Variants in TMEM132D observed in about 807,000 individuals in gnomAD.
The protein encoded by TMEM132D is transmembrane protein 132D.
TMEM132D carries 21 observed loss-of-function variants against 62.3 expected under a neutral mutation model. That is an observed-to-expected ratio of 0.34 (90% CI 0.24 to 0.49). The LOEUF (loss-of-function observed/expected upper bound fraction) is 0.49, where lower values mean the gene tolerates loss of function less well. Ranked by LOEUF, TMEM132D falls within the 20% of genes least tolerant of loss-of-function variation. The probability of loss-of-function intolerance (pLI) is 0.99; values close to 1 mark genes in which losing one functional copy is unlikely to be tolerated. For missense variants in TMEM132D, 1,346 were observed against 1,402.8 expected (o/e 0.96, Z 0.65); for synonymous variants, 621 against 575.6 (o/e 1.08, Z -1.13).
intron 4 of TMEM132D, among the ~76,000 whole-genome samples, chr12:129,279,060 T>C (rs1161534439): frequency 1.3e-5 from 2 of 152,200 alleles, no homozygotes. Context: ...ATGCAAACTT[T>C]ATGTAAATTT....
At chr12:129,644,505 C>A (rs1221080025) in intron 2 of TMEM132D, among the ~76,000 whole-genome samples, 1 of 152,042 alleles carries the variant, frequency 6.6e-6, no homozygotes, top group East Asian at 1.9e-4. Context: ...TGAGAGAGAC[C>A]AGGCAGTGTG....
intron 1 of TMEM132D, among the ~76,000 whole-genome samples, chr12:129,768,448 TTTTTAAGGACGGTTCCTTAAAAA>T (rs1035372670): frequency 2.0e-5 from 3 of 151,734 alleles, no homozygotes; most frequent in Non-Finnish European, 2.9e-5. Flanking sequence ...GGTTTTTAAT[TTTTTAAGGACGGTTCCTTAAAAA>T]TTTAAGGAAC....
At chr12:129,334,832 C>T (rs1869224378) in intron 4 of TMEM132D, among the ~76,000 whole-genome samples, 1 of 152,014 alleles carries the variant, frequency 6.6e-6, no homozygotes, top group African/African-American at 2.4e-5. Flanking sequence ...TCAGGTGATC[C>T]ACCTTTCTTG....
In TMEM132D at chr12:129,078,660, C is replaced by A. The variant is rs1874355509; in HGVS notation, c.1989G>T (p.Val663=). ...EKTITVLDEK[V]TITDLGVQLV... is the part of the protein sequence containing the mutation. Reference sequence around the variant, plus strand: ...GCTGCACCCCGAGGTCTGTGATGGTCACCTTCTCGTCCAGCACAGTGATGG... The same window carrying A: ...GCTGCACCCCGAGGTCTGTGATGGTAACCTTCTCGTCCAGCACAGTGATGG... The change falls in exon 8 of 9, where the codon GTG becomes GTT. Residue 663 remains valine, a synonymous_variant. Coordinates refer to ENST00000422113, the MANE Select transcript of TMEM132D (RefSeq NM_133448.3). 6.2e-7 allele frequency: 1 copy of A among 1,614,196 alleles called. No individual in the cohort carries two copies. The highest frequency in any genetic ancestry group is 8.5e-7 in the Non-Finnish European group (1 of 1,180,052).
intron 5 of TMEM132D, among the ~76,000 whole-genome samples, chr12:129,207,983 C>A (rs929713376): frequency 6.6e-6 from 1 of 152,174 alleles, no homozygotes; most frequent in Non-Finnish European, 1.5e-5. Flanking sequence ...CCCAACTGAT[C>A]TATCTAACAT....
chr12:129,184,872 G>T (rs1475377728), intron 5 of TMEM132D, among the ~76,000 whole-genome samples: 1 of 151,834 alleles, frequency 6.6e-6, no homozygotes, highest in Non-Finnish European at 1.5e-5. Flanking sequence ...GGGTGAGGGT[G>T]GGGGTGGGAG....
chr12:129,517,200 T>C (rs937192342), intron 3 of TMEM132D, among the ~76,000 whole-genome samples: 5 of 152,156 alleles, frequency 3.3e-5, no homozygotes, highest in Non-Finnish European at 5.9e-5. Flanking sequence ...CAGAAAGTAA[T>C]GTAAGTTACC....
chr12:129,662,202 C>T (rs1880254363), intron 2 of TMEM132D, among the ~76,000 whole-genome samples: 1 of 152,182 alleles, frequency 6.6e-6, no homozygotes, highest in South Asian at 2.1e-4. Context: ...GTATGTCTAA[C>T]TTTGGGCTTA....
In TMEM132D at chr12:129,654,152, T is replaced by C. The variant is rs149687533; in HGVS notation, c.968+45658A>G. On this transcript the variant is annotated intron_variant, in intron 2 of 8. Transcript: ENST00000422113. The stretch of plus-strand genomic sequence containing the variant: ...CCATAGATGTGAAGTGTTATTTTCC[T>C]CACATTCTATCAAGGATACATGCCG... 2.4e-3 allele frequency among the ~76,000 whole-genome samples: 364 copies of C among 152,272 alleles called. 3 individuals are homozygous for C. Among genetic ancestry groups the C allele is most frequent in the African/African-American group, 8.3e-3 (345 of 41,554 alleles).
At chr12:129,872,246 T>A (rs1315754767) in intron 1 of TMEM132D, among the ~76,000 whole-genome samples, 1 of 152,162 alleles carries the variant, frequency 6.6e-6, no homozygotes, top group Non-Finnish European at 1.5e-5. Flanking sequence ...CAATCTCTTT[T>A]TCCTGATAGG....
chr12:129,607,929 T>C (rs999284812), intron 2 of TMEM132D, among the ~76,000 whole-genome samples: 1 of 152,162 alleles, frequency 6.6e-6, no homozygotes, highest in African/African-American at 2.4e-5. Flanking sequence ...CTCAAGTGTA[T>C]TGTACCAGAT....
At chr12:129,337,490 G>T in intron 4 of TMEM132D, 144 bp downstream of exon 4, 2 of 779,016 alleles carry the variant, frequency 2.6e-6, no homozygotes, top group Non-Finnish European at 4.1e-6. Context: ...TTGGCTATTG[G>T]CAGTCAACTT....
intron 4 of TMEM132D, among the ~76,000 whole-genome samples, chr12:129,302,712 T>C (rs1315044570): frequency 6.6e-6 from 1 of 152,216 alleles, no homozygotes; most frequent in Non-Finnish European, 1.5e-5. Context: ...AGGGAAAACC[T>C]AACCCCATAA....
chr12:129,126,036 C>T (rs1876203574), intron 5 of TMEM132D, among the ~76,000 whole-genome samples: 1 of 152,198 alleles, frequency 6.6e-6, no homozygotes, highest in South Asian at 2.1e-4. Flanking sequence ...CTGAGCACCC[C>T]TCTTTTTGAG....
chr12:129,168,758 A>C (rs1413917075), intron 5 of TMEM132D, among the ~76,000 whole-genome samples: 1 of 152,094 alleles, frequency 6.6e-6, no homozygotes, highest in African/African-American at 2.4e-5. Flanking sequence ...GTGGTATCTC[A>C]TCTTATTTTG....
chr12:129,405,570 AG>A (rs752979870), intron 3 of TMEM132D, among the ~76,000 whole-genome samples: 2 of 152,138 alleles, frequency 1.3e-5, no homozygotes, highest in Non-Finnish European at 2.9e-5. Context: ...GCCCCACTGC[AG>A]GTGCTGTAGT....
At chr12:129,138,881 T>G (rs1486644) in intron 5 of TMEM132D, among the ~76,000 whole-genome samples, 37,145 of 152,098 alleles carry the variant, frequency 0.24, 4,739 homozygotes, top group South Asian at 0.35. Context: ...TTGCCCATGC[T>G]CTGCAGCATC....
intron 1 of TMEM132D, among the ~76,000 whole-genome samples, chr12:129,753,030 A>G (rs1455997125): frequency 6.6e-6 from 1 of 152,248 alleles, no homozygotes; most frequent in Non-Finnish European, 1.5e-5. Context: ...TACGGATTTT[A>G]GTACAGTTTC....
At chr12:129,573,723 C>CGTT (rs1452625981) in intron 2 of TMEM132D, among the ~76,000 whole-genome samples, 3 of 151,954 alleles carry the variant, frequency 2.0e-5, no homozygotes, top group Non-Finnish European at 4.4e-5. Flanking sequence ...AATGCATAAA[C>CGTT]GTTGATGGCA....
Sources: gnomAD v4.1 joint callset for allele counts (sites outside exome capture counted in the v4.1 genomes callset) on GRCh38, gnomAD v4.1.1 for gene constraint, MANE v1.5 for transcripts, NCBI Gene and HGNC (gene_info 2026-07-23, HGNC 2026-07-21) for gene names.